MKX: variants seen among roughly 807,000 people sequenced by gnomAD.
MKX encodes the protein homeobox protein Mohawk.
A neutral mutation model predicts 36.0 loss-of-function variants in MKX; 13 were observed. That is an observed-to-expected ratio of 0.36 (90% CI 0.24 to 0.57). MKX has a LOEUF of 0.57. MKX is among the 20% of genes least tolerant of loss of function. The pLI, the probability that MKX is intolerant of heterozygous loss-of-function variation, is 0.79. For missense variants in MKX, 458 were observed against 456.4 expected (o/e 1.00, Z -0.03); for synonymous variants, 176 against 178.3 (o/e 0.99, Z 0.10).
chr10:27,682,984 G>GAA (rs780669941), intron 5 of MKX, among the ~76,000 whole-genome samples: 16 of 134,076 alleles, frequency 1.2e-4, no homozygotes, highest in African/African-American at 4.4e-4. Context: ...ACTCGGTCTC[G>GAA]AAAAAAAAAA....
In MKX at chr10:27,676,297, G is replaced by T. The variant is rs184967933; in HGVS notation, c.839-743C>A. On this transcript the variant is annotated intron_variant, in intron 5 of 6. Coordinates refer to ENST00000419761, the MANE Select transcript of MKX (RefSeq NM_173576.3). ...TCTAAGAAAATTAAAATAAAAAAGGGGGGGGTTCTAGAAAATCTTGGGGGT... is the reference window on the plus strand; with the variant it reads ...TCTAAGAAAATTAAAATAAAAAAGGTGGGGGTTCTAGAAAATCTTGGGGGT... Among the ~76,000 whole-genome samples, 123 of 129,088 alleles carry T rather than the reference G, an allele frequency of 9.5e-4. 3 individuals carry two copies. Among genetic ancestry groups the T allele is most frequent in the African/African-American group, 2.4e-3 (86 of 35,538 alleles). The allele number at this position is 129,088 out of a possible 152,430, so 84.7% of individuals were successfully genotyped here. A position where few individuals can be genotyped will look rare whatever the true frequency, so the allele number is the denominator to read the frequency against.
At chr10:27,708,863 T>C (rs1000473244) in intron 5 of MKX, among the ~76,000 whole-genome samples, 5 of 151,480 alleles carry the variant, frequency 3.3e-5, no homozygotes, top group Non-Finnish European at 7.4e-5. Flanking sequence ...TGGAAAAAAA[T>C]AAACAATAAA....
chr10:27,732,032 T>G (rs1834642053), intron 5 of MKX, among the ~76,000 whole-genome samples: 1 of 152,260 alleles, frequency 6.6e-6, no homozygotes, highest in Non-Finnish European at 1.5e-5. Context: ...CTGTCATAAC[T>G]GTATTATAGT....
intron 5 of MKX, among the ~76,000 whole-genome samples, chr10:27,729,028 A>G (rs1174415880): frequency 6.6e-6 from 1 of 152,194 alleles, no homozygotes; most frequent in African/African-American, 2.4e-5. Flanking sequence ...TTTTCTCTCA[A>G]TCAAAATCTT....
intron 5 of MKX, among the ~76,000 whole-genome samples, chr10:27,711,533 TCC>T (rs1325530414): frequency 7.0e-6 from 1 of 143,856 alleles, no homozygotes; most frequent in Non-Finnish European, 1.5e-5. Flanking sequence ...CTTCCTTCCT[TCC>T]TTCCTTTTTC....
In MKX at chr10:27,741,578, A is replaced by AGCCCG. The variant is rs1834898495; in HGVS notation, c.189-79_189-75dup. The AGCCCG allele has an allele frequency of 8.1e-6, 12 of 1,476,188 alleles. No individual in the cohort carries two copies. Among genetic ancestry groups the AGCCCG allele is most frequent in the Non-Finnish European group, 1.1e-5 (12 of 1,118,028 alleles). The allele number at this position is 1,476,188 out of a possible 1,614,324, so 91.4% of individuals were successfully genotyped here. On this transcript the variant is annotated intron_variant, in intron 2 of 6. Coordinates refer to ENST00000419761, the MANE Select transcript of MKX (RefSeq NM_173576.3). This position sits in a 1 kb window ranked among gnomAD's most constrained non-coding sequence, Gnocchi z 5.1. ...GCCCGGACGCTCCACGCCCCGGCCAAGCCCGGGCCCCGCATCCAAACTGCG... is the reference window on the plus strand; with the variant it reads ...GCCCGGACGCTCCACGCCCCGGCCAAGCCCGGCCCGGGCCCCGCATCCAAACTGCG...
intron 5 of MKX, among the ~76,000 whole-genome samples, chr10:27,712,222 G>C (rs1014130885): frequency 5.9e-5 from 9 of 152,182 alleles, no homozygotes; most frequent in Non-Finnish European, 1.2e-4. Context: ...TCCCATTGCT[G>C]TCTTCGAATG....
In MKX at chr10:27,712,271, T is replaced by C. The variant is rs999818121; in HGVS notation, c.838+22185A>G. On this transcript the variant is annotated intron_variant, in intron 5 of 6. Coordinates refer to ENST00000419761, the MANE Select transcript of MKX (RefSeq NM_173576.3). ...AGGGGGATGATGTTTTAGGGAATCC[T>C]TGAAACTCCTACAATTATAAACAGG... is the stretch of plus-strand genomic sequence containing the variant. Among the ~76,000 whole-genome samples the C allele has an allele frequency of 2.0e-5, 3 of 152,228 alleles. No individual in the cohort carries two copies. The South Asian group carries it at 6.2e-4, about 32-fold the overall frequency.
rs544279029 is a variant in MKX, at chr10:27,730,282, A to G, written c.838+4174T>C. ...CAAAGACTGTGGATTACAGAGAAAT[A>G]ATGTCTATGTAAAATCAATAAAAAT... is the stretch of plus-strand genomic sequence containing the variant. On this transcript the variant is annotated intron_variant, in intron 5 of 6. Coordinates refer to ENST00000419761, the MANE Select transcript of MKX (RefSeq NM_173576.3). Among the ~76,000 whole-genome samples the G allele has an allele frequency of 1.9e-3, 285 of 152,298 alleles. 1 individual carries two copies. The highest frequency in any genetic ancestry group is 6.4e-3 in the African/African-American group (266 of 41,550).
intron 5 of MKX, among the ~76,000 whole-genome samples, chr10:27,687,099 T>C (rs112187207): frequency 0.023 from 3,512 of 152,020 alleles, 50 homozygotes; most frequent in African/African-American, 0.048. Context: ...CTCCGCCTCC[T>C]GGGTTCAAGT....
At position 27,725,392 on chromosome 10, in the gene MKX, T is replaced by G. The variant is rs1269912159; in HGVS notation, c.838+9064A>C. Among the ~76,000 whole-genome samples, 4 of 152,152 alleles carry G rather than the reference T, an allele frequency of 2.6e-5. No homozygotes were observed. In the East Asian group the frequency reaches 5.8e-4, roughly 22 times the overall value. Reference sequence around the variant, plus strand: ...TTAAACTGAAAACTGAGAAAAATATTCAAATTTTGTGAAGGAAATTGGGCA... The same window carrying G: ...TTAAACTGAAAACTGAGAAAAATATGCAAATTTTGTGAAGGAAATTGGGCA... On this transcript the variant is annotated intron_variant, in intron 5 of 6. Coordinates refer to ENST00000419761, the MANE Select transcript of MKX (RefSeq NM_173576.3).
chr10:27,699,558 T>C (rs1394295666), intron 5 of MKX, among the ~76,000 whole-genome samples: 2 of 152,190 alleles, frequency 1.3e-5, no homozygotes, highest in Non-Finnish European at 2.9e-5. Flanking sequence ...ACCACAGTTG[T>C]AATCTGTTGA....
intron 5 of MKX, among the ~76,000 whole-genome samples, chr10:27,713,651 G>A (rs1314262897): frequency 1.3e-5 from 2 of 152,122 alleles, no homozygotes; most frequent in Non-Finnish European, 2.9e-5. Flanking sequence ...GAGTTATAAT[G>A]AGGATCAAAT....
At chr10:27,686,389 AAGGGAAAGG>A (rs1417762175) in intron 5 of MKX, among the ~76,000 whole-genome samples, 2,476 of 134,092 alleles carry the variant, frequency 0.018, 66 homozygotes, top group African/African-American at 0.06. Flanking sequence ...AAGGGAAGGG[AAGGGAAAGG>A]AAGGAAGGAA....
At chr10:27,686,528 G>C (rs1263381309) in intron 5 of MKX, among the ~76,000 whole-genome samples, 1 of 152,180 alleles carries the variant, frequency 6.6e-6, no homozygotes, top group East Asian at 1.9e-4. Context: ...CCAGGCTGGA[G>C]TGCAGTGGTG....
chr10:27,692,725 C>A (rs949724203), intron 5 of MKX, among the ~76,000 whole-genome samples: 26 of 152,300 alleles, frequency 1.7e-4, no homozygotes, highest in Admixed American at 1.4e-3. Context: ...AACTTAGTTT[C>A]TGCTGCTCTT....
rs760174360 is a variant in MKX at position 27,674,181 on chromosome 10, G to A, written c.*1048C>T. 2 of 152,094 alleles carry A rather than the reference G, an allele frequency of 1.3e-5. No individual in the cohort carries two copies. The highest frequency in any genetic ancestry group is 2.9e-5 in the Non-Finnish European group (2 of 68,004). The allele number at this position is 152,094 out of a possible 1,614,324, so 9.4% of individuals were successfully genotyped here. On this transcript the variant is annotated 3_prime_UTR_variant, in exon 7 of 7. Transcript: ENST00000419761. Reference sequence around the variant, plus strand: ...CTTGGCAAAATTCAAACTGTTCAATGTTTTGTTTTCCATATGTTTTAAATT... The same window carrying A: ...CTTGGCAAAATTCAAACTGTTCAATATTTTGTTTTCCATATGTTTTAAATT...
intron 3 of MKX, among the ~76,000 whole-genome samples, chr10:27,739,613 G>T (rs1834850878): frequency 6.6e-6 from 1 of 152,046 alleles, no homozygotes. Context: ...TTGTATTGCA[G>T]CTCAACAAAA....
intron 5 of MKX, among the ~76,000 whole-genome samples, chr10:27,723,944 C>T (rs1268884397): frequency 6.6e-6 from 1 of 152,168 alleles, no homozygotes; most frequent in Non-Finnish European, 1.5e-5. Context: ...TATGTGAAAA[C>T]TTAAGGAGCA....
Sources: gnomAD v4.1 joint callset for allele counts (sites outside exome capture counted in the v4.1 genomes callset) on GRCh38, gnomAD v4.1.1 for gene constraint, Gnocchi (gnomAD v3.1) non-coding constraint, MANE v1.5 for transcripts, NCBI Gene and HGNC (gene_info 2026-07-23, HGNC 2026-07-21) for gene names.